The following CEP131 variants were observed in gnomAD, a reference collection of about 807,000 sequenced individuals.
CEP131 encodes centrosomal protein of 131 kDa.
Under a neutral mutation model 136.8 loss-of-function variants are expected in CEP131, and 99 were observed. The observed-to-expected ratio is 0.72, with a 90% CI of 0.62 to 0.86. CEP131 has a LOEUF of 0.86. Ranked by LOEUF, CEP131 falls within the 40% of genes least tolerant of loss-of-function variation. The pLI is 0.00. For missense variants in CEP131, 1,459 were observed against 1,463.0 expected (o/e 1.00, Z 0.04); for synonymous variants, 646 against 612.7 (o/e 1.05, Z -0.80).
chr17:81,195,989 C>T lies in CEP131; in HGVS notation c.1900-38G>A, dbSNP rs184275151. 95 of 1,555,058 alleles carry T rather than the reference C, an allele frequency of 6.1e-5. 1 individual carries two copies. The East Asian group carries it at 2.1e-3, about 35-fold the overall frequency. On this transcript the variant is annotated intron_variant, in intron 15 of 25. Coordinates refer to ENST00000450824, the MANE Select transcript of CEP131 (RefSeq NM_014984.4). ...CCGGAGGTGAGGTGCTACACCAAGGCCCCAGCCCAGCAGGACCCCTGATGG... is the reference window on the plus strand; with the variant it reads ...CCGGAGGTGAGGTGCTACACCAAGGTCCCAGCCCAGCAGGACCCCTGATGG...
In CEP131 at chr17:81,222,862, C is replaced by G. The variant is rs9911096; in HGVS notation, c.-111G>C. 0.41 allele frequency: 62,772 copies of G among 152,170 alleles called. 13,339 individuals are homozygous for G. Among genetic ancestry groups the G allele is most frequent in the Non-Finnish European group, 0.46 (31,599 of 67,964 alleles). The allele number at this position is 152,170 out of a possible 1,614,324, so 9.4% of individuals were successfully genotyped here. On this transcript the variant is annotated 5_prime_UTR_variant, in exon 1 of 26. Coordinates refer to ENST00000450824, the MANE Select transcript of CEP131 (RefSeq NM_014984.4). ...GAGGGGATGCGGAACCAGTCGCGCCCAAACCTCGGGTCGGCGACCTGGCGC... is the reference window on the plus strand; with the variant it reads ...GAGGGGATGCGGAACCAGTCGCGCCGAAACCTCGGGTCGGCGACCTGGCGC...
chr17:81,193,970 C>CT lies in CEP131; in HGVS notation c.2276dup (p.Lys760GlufsTer37), dbSNP rs2061698711. On this transcript the variant is annotated frameshift_variant, in exon 18 of 26. Coordinates refer to ENST00000450824, the MANE Select transcript of CEP131 (RefSeq NM_014984.4). LOFTEE classifies it high-confidence loss of function. ...GCTCCTGCTGGCCCAGCGCCTCCTT[C>CT]TCCCGCTCCAGCTGCTCCCGCAGCT... 6.5e-7 allele frequency: 1 copy of CT among 1,545,866 alleles called. No homozygotes were observed.
rs573122104 is a variant in CEP131, at chr17:81,191,182, C to T, written c.2765+11G>A. 3 of 1,609,860 alleles carry T rather than the reference C, an allele frequency of 1.9e-6. No individual in the cohort carries two copies. The highest frequency in any genetic ancestry group is 2.2e-5 in the South Asian group (2 of 90,894). On this transcript the variant is annotated intron_variant, in intron 22 of 25. Coordinates refer to ENST00000450824, the MANE Select transcript of CEP131 (RefSeq NM_014984.4). ...TCCCCAGCTGGTGACCCAGCCATGG[C>T]GGGTCCTTACCGGCTCTCGGCAGCC...
At chr17:81,200,669 G>A (rs571576382) in intron 7 of CEP131, among the ~76,000 whole-genome samples, 8 of 152,340 alleles carry the variant, frequency 5.3e-5, no homozygotes, top group African/African-American at 1.9e-4. Flanking sequence ...CTGGGAAGGT[G>A]CCCAGGGGAG....
At chr17:81,199,015 G>C in intron 10 of CEP131, 44 bp from the exon 11 acceptor site, 2 of 1,461,322 alleles carry the variant, frequency 1.4e-6, no homozygotes, top group Non-Finnish European at 1.8e-6. Context: ...AGCATCCCGG[G>C]GCGGGCAGCA....
At chr17:81,211,978 T>C (rs1188095157) in intron 2 of CEP131, among the ~76,000 whole-genome samples, 1 of 142,008 alleles carries the variant, frequency 7.0e-6, no homozygotes, top group Admixed American at 7.0e-5. Context: ...GCAAAGAACA[T>C]GGACAATTCA....
Position 81,199,559 on chromosome 17 carries a change from G to T in CEP131, c.1024-10C>A. The T allele has an allele frequency of 6.2e-7, 1 of 1,600,040 alleles. No individual in the cohort carries two copies. ...GTTTCTGTTGCAGCTCCTGCAGTGG[G>T]AGCATCGCTGAGCACTGTCCCTGGG... is the stretch of plus-strand genomic sequence containing the variant. On this transcript the variant is annotated splice_polypyrimidine_tract_variant and intron_variant, in intron 9 of 25. Transcript: ENST00000450824.
intron 8 of CEP131, 37 bp downstream of exon 8, chr17:81,200,292 C>CG (rs777973924): frequency 1.3e-6 from 2 of 1,527,194 alleles, no homozygotes; most frequent in South Asian, 1.2e-5. Flanking sequence ...CCAGACCCCC[C>CG]GGGGGAGCAT....
rs979426909 is a variant in CEP131, at chr17:81,215,991, C to G, written c.177+3889G>C. 2.0e-5 allele frequency among the ~76,000 whole-genome samples: 3 copies of G among 151,832 alleles called. No individual in the cohort carries two copies. The highest frequency in any genetic ancestry group is 4.8e-5 in the African/African-American group (2 of 41,300). ...CCGTAATCCCAGCACTTTGGGAGGC[C>G]GAGGTGGGAGGATCGCTTCAGCCCA... On this transcript the variant is annotated intron_variant, in intron 2 of 25. Transcript: ENST00000450824. The surrounding 1 kb of genome is among the most constrained non-coding windows in gnomAD (Gnocchi z 4.1).
Position 81,203,712 on chromosome 17 carries a change from A to G in CEP131, c.516-105T>C. On this transcript the variant is annotated intron_variant, in intron 5 of 25. Coordinates refer to ENST00000450824, the MANE Select transcript of CEP131 (RefSeq NM_014984.4). This position sits in a 1 kb window ranked among gnomAD's most constrained non-coding sequence, Gnocchi z 4.6. Reference sequence around the variant, plus strand: ...GGGCTGGGAGGGAACAAAGGCCTTCAGTGCTTGCTACGTGCTGGCAGCATT... The same window carrying G: ...GGGCTGGGAGGGAACAAAGGCCTTCGGTGCTTGCTACGTGCTGGCAGCATT... 2 of 822,866 alleles carry G rather than the reference A, an allele frequency of 2.4e-6. No individual in the cohort carries two copies. The highest frequency in any genetic ancestry group is 3.8e-6 in the Non-Finnish European group (2 of 520,238). The allele number at this position is 822,866 out of a possible 1,614,324, so 51.0% of individuals were successfully genotyped here. A position where few individuals can be genotyped will look rare whatever the true frequency, so the allele number is the denominator to read the frequency against.
At chr17:81,194,593 C>T (rs2061713617) in intron 17 of CEP131, among the ~76,000 whole-genome samples, 1 of 152,252 alleles carries the variant, frequency 6.6e-6, no homozygotes. Context: ...TCCCCTAGCC[C>T]AACCCTGAGG....
chr17:81,189,885 G>T, intron 25 of CEP131, 30 bp downstream of exon 25: 1 of 1,612,582 alleles, frequency 6.2e-7, no homozygotes. Context: ...CCAGCCCCGA[G>T]GTCCAGCAGG....
intron 2 of CEP131, among the ~76,000 whole-genome samples, chr17:81,212,321 C>CAAAAAAA (rs71166130): frequency 7.4e-6 from 1 of 135,088 alleles, no homozygotes; most frequent in Non-Finnish European, 1.6e-5. Context: ...GATTCCCTCT[C>CAAAAAAA]AAAAAAAAAA....
In CEP131 at chr17:81,202,391, T is replaced by C. The variant is rs2146596257; in HGVS notation, c.637A>G (p.Ile213Val). The change falls in exon 7 of 26, where the codon ATC (isoleucine) becomes GTC (valine). Residue 213 changes from isoleucine (I) to valine (V), a missense_variant. By Grantham distance (29) the Ile-to-Val change is conservative. Around this residue, in one of 3 missense-constraint regions of CEP131, gnomAD observed 246 missense variants for 318.9 expected, o/e 0.77. Coordinates refer to ENST00000450824, the MANE Select transcript of CEP131 (RefSeq NM_014984.4). ...NQTAPSLNNI[I>V]KAATCEGSES... ...CTGCCCTCACAGGTGGCTGCCTTGA[T>C]GATGTTGCTGACAGGTAAGAAGAAA... The C allele has an allele frequency of 6.2e-7, 1 of 1,612,810 alleles. No individual in the cohort carries two copies. The highest frequency in any genetic ancestry group is 1.3e-5 in the African/African-American group (1 of 75,030).
Position 81,198,934 on chromosome 17 carries a change from G to A in CEP131, c.1230C>T (p.Cys410=). 6.3e-7 allele frequency: 1 copy of A among 1,590,810 alleles called. No individual in the cohort carries two copies. The highest frequency in any genetic ancestry group is 2.3e-5 in the East Asian group (1 of 44,040). The part of the protein sequence containing the change: ...GLPAAGPGDR[C]LPTSDSSPEP... ...CTGGGGATGAGTCGGAGGTGGGCAG[G>A]CAGCGGTCTCCGGGGCCTGCAGCAG... The change falls in exon 11 of 26, where the codon TGC becomes TGT. Residue 410 remains cysteine, a synonymous_variant. Transcript: ENST00000450824.
chr17:81,205,336 G>A (rs1156513243), intron 5 of CEP131, among the ~76,000 whole-genome samples: 6 of 144,770 alleles, frequency 4.1e-5, no homozygotes, highest in Non-Finnish European at 7.4e-5. Flanking sequence ...GCAGGCGCCA[G>A]GGGTAGGAGG....
At position 81,207,217 on chromosome 17, in the gene CEP131, G is replaced by C. The variant is rs1389135035; in HGVS notation, c.295C>G (p.Leu99Val). Residue 99 changes from leucine to valine, a missense_variant, in exon 4 of 26, where the codon CTG (leucine) becomes GTG (valine). Leu to Val is a conservative substitution (Grantham distance 32). Coordinates refer to ENST00000450824, the MANE Select transcript of CEP131 (RefSeq NM_014984.4). ...CTGGGGCTGCCCTCGAAGAGCATCAGGAAGTCTGTGGGCTCCGTTGGCCTG... is the reference window on the plus strand; with the variant it reads ...CTGGGGCTGCCCTCGAAGAGCATCACGAAGTCTGTGGGCTCCGTTGGCCTG... ...SPRPTEPTDF[L>V]MLFEGSPSGK... The C allele has an allele frequency of 2.5e-6, 4 of 1,613,558 alleles. No homozygotes were observed.
At position 81,189,960 on chromosome 17, in the gene CEP131, G is replaced by A. The variant is rs147791022; in HGVS notation, c.3123C>T (p.Leu1041=). The change falls in exon 25 of 26, where the codon CTC becomes CTT. Residue 1041 remains leucine, a synonymous_variant. Coordinates refer to ENST00000450824, the MANE Select transcript of CEP131 (RefSeq NM_014984.4). ...EEVHRRVKTA[L]ARKEEAVSSL... ...TGCTCACGGCCTCCTCCTTCCTCGC[G>A]AGGGCTGTCTTCACCCTGTGGGTAG... 129 of 1,610,612 alleles carry A rather than the reference G, an allele frequency of 8.0e-5. No individual in the cohort carries two copies. In the East Asian group the frequency reaches 1.8e-3, roughly 23 times the overall value.
intron 24 of CEP131, 66 bp from the exon 25 acceptor site, chr17:81,190,041 G>C: frequency 7.0e-7 from 1 of 1,427,762 alleles, no homozygotes; most frequent in East Asian, 2.5e-5. Flanking sequence ...GGCCTGCAGT[G>C]CACAGGGTGC....
Sources: gnomAD v4.1 joint callset for allele counts (sites outside exome capture counted in the v4.1 genomes callset) on GRCh38, gnomAD v4.1.1 for gene constraint, gnomAD v4.1.1 regional missense constraint, Gnocchi (gnomAD v3.1) non-coding constraint, MANE v1.5 for transcripts, NCBI Gene and HGNC (gene_info 2026-07-23, HGNC 2026-07-21) for gene names.